The following DBX2 variants were observed in gnomAD, a reference collection of about 807,000 sequenced individuals.
The protein encoded by DBX2 is homeobox protein DBX2.
A neutral mutation model predicts 17.7 loss-of-function variants in DBX2; 16 were observed. The observed-to-expected ratio is 0.90, with a 90% confidence interval of 0.61 to 1.37. DBX2 has a LOEUF of 1.37. Ranked by LOEUF, DBX2 falls within the 40% of genes most tolerant of loss-of-function variation. The pLI is 0.00. For synonymous variants in DBX2, 255 were observed against 183.8 expected (o/e 1.39, Z -3.13); for missense variants, 538 against 433.8 (o/e 1.24, Z -2.13).
chr12:45,022,326 T>TG (rs1565580641), intron 3 of DBX2, among the ~76,000 whole-genome samples: 2 of 101,834 alleles, frequency 2.0e-5, no homozygotes, highest in South Asian at 4.0e-4. Context: ...TTTTTTGAGA[T>TG]GGAGTCTTGC....
chr12:45,041,063 C>A (rs1415824247), intron 1 of DBX2, among the ~76,000 whole-genome samples: 1 of 145,366 alleles, frequency 6.9e-6, no homozygotes, highest in Non-Finnish European at 1.5e-5. Context: ...AAAAAAAAAA[C>A]CTCTAGGAAA....
intron 3 of DBX2, among the ~76,000 whole-genome samples, chr12:45,020,246 T>C (rs1263459399): frequency 6.6e-6 from 1 of 152,178 alleles, no homozygotes; most frequent in Non-Finnish European, 1.5e-5. Context: ...CCTGTCTGTA[T>C]AGATTTCCCC....
intron 3 of DBX2, among the ~76,000 whole-genome samples, chr12:45,018,485 G>A (rs1478650049): frequency 6.6e-6 from 1 of 152,048 alleles, no homozygotes; most frequent in Non-Finnish European, 1.5e-5. Flanking sequence ...AAACGAAACT[G>A]CAAAAGTTTT....
chr12:45,043,544 CCA>C (rs1319817556), intron 1 of DBX2, among the ~76,000 whole-genome samples: 1 of 152,114 alleles, frequency 6.6e-6, no homozygotes, highest in Non-Finnish European at 1.5e-5. Flanking sequence ...ATAAACAGCT[CCA>C]GTTGAGCAAC....
chr12:45,046,821 G>GA (rs201947295), intron 1 of DBX2, among the ~76,000 whole-genome samples: 26 of 150,874 alleles, frequency 1.7e-4, no homozygotes, highest in Non-Finnish European at 3.1e-4. Flanking sequence ...CCGGATGCCA[G>GA]AAAAAAAAAT....
intron 1 of DBX2, 149 bp downstream of exon 1, chr12:45,050,376 G>A: frequency 1.8e-6 from 2 of 1,094,834 alleles, no homozygotes; most frequent in Non-Finnish European, 2.5e-6. Context: ...CTCCCGAAGT[G>A]GCATCTCCAC....
chr12:45,042,804 C>T (rs1251038298), intron 1 of DBX2, among the ~76,000 whole-genome samples: 1 of 152,148 alleles, frequency 6.6e-6, no homozygotes, highest in Non-Finnish European at 1.5e-5. Flanking sequence ...TTTGTGTGAA[C>T]ACTTCCAGCA....
chr12:45,050,575 G>A lies in DBX2; in HGVS notation c.353C>T (p.Pro118Leu), dbSNP rs1946525546. The A allele has an allele frequency of 6.4e-7, 1 of 1,552,316 alleles. No individual in the cohort carries two copies. Among genetic ancestry groups the A allele is most frequent in the South Asian group, 1.2e-5 (1 of 84,168 alleles). ...GTCTCGGTCCCCCGGAGCCCGGCCC[G>A]GCAGCCTCGCACTGTCCGCAGAGGG... Reference protein sequence around the residue: ...LSPSADSARLPGRAPGDRDCT... With the variant: ...LSPSADSARLLGRAPGDRDCT... The change falls in exon 1 of 4, where the codon CCG becomes CTG. Residue 118 changes from proline (P) to leucine (L), a missense_variant. Pro to Leu is a moderately conservative substitution (Grantham distance 98). Transcript: ENST00000332700.
At chr12:45,029,296 C>T (rs761296785) in intron 2 of DBX2, among the ~76,000 whole-genome samples, 39 of 152,288 alleles carry the variant, frequency 2.6e-4, no homozygotes, top group Admixed American at 9.2e-4. Context: ...GCAGCTTCCA[C>T]ATATATTGGG....
chr12:45,042,001 C>A (rs1006322458), intron 1 of DBX2, among the ~76,000 whole-genome samples: 10 of 152,106 alleles, frequency 6.6e-5, no homozygotes, highest in Non-Finnish European at 1.2e-4. Context: ...GGTTCTCAAC[C>A]CTGAATACAC....
intron 3 of DBX2, among the ~76,000 whole-genome samples, chr12:45,017,801 A>G (rs1035945082): frequency 1.3e-5 from 2 of 152,154 alleles, no homozygotes; most frequent in Non-Finnish European, 2.9e-5. Context: ...AAAGCCAATC[A>G]TGTTTTTTCC....
At chr12:45,037,697 T>C (rs560071997) in intron 1 of DBX2, among the ~76,000 whole-genome samples, 24 of 152,184 alleles carry the variant, frequency 1.6e-4, no homozygotes, top group Non-Finnish European at 3.1e-4. Context: ...GCTGTTTATA[T>C]TTATTTTCAC....
chr12:45,018,401 G>A (rs975574219), intron 3 of DBX2, among the ~76,000 whole-genome samples: 1 of 151,962 alleles, frequency 6.6e-6, no homozygotes, highest in South Asian at 2.1e-4. Context: ...TGCATATTTG[G>A]GGAGTAACAT....
chr12:45,049,335 C>T (rs1946516540), intron 1 of DBX2, among the ~76,000 whole-genome samples: 1 of 152,152 alleles, frequency 6.6e-6, no homozygotes, highest in South Asian at 2.1e-4. Flanking sequence ...TCAAAAAGAA[C>T]AGAGAGGCCC....
Position 45,016,289 on chromosome 12 carries a change from G to A in DBX2, c.1017C>T (p.Val339=). The change falls in exon 4 of 4, where the codon GTC becomes GTT. Residue 339 remains valine (V), a synonymous_variant. Transcript: ENST00000332700. The part of the protein sequence containing the change: ...AGSKGVLTGA[V] Reference sequence around the variant, plus strand: ...GAACACGGAGGAATGCTTCCATTCAGACAGCCCCAGTAAGTACACCCTTGC... The same window carrying A: ...GAACACGGAGGAATGCTTCCATTCAAACAGCCCCAGTAAGTACACCCTTGC... 2.6e-6 allele frequency: 4 copies of A among 1,553,338 alleles called. No individual in the cohort carries two copies. The highest frequency in any genetic ancestry group is 3.5e-6 in the Non-Finnish European group (4 of 1,153,870).
At chr12:45,043,060 G>A (rs559873431) in intron 1 of DBX2, among the ~76,000 whole-genome samples, 1 of 152,264 alleles carries the variant, frequency 6.6e-6, no homozygotes, top group South Asian at 2.1e-4. Flanking sequence ...AAGGTTCCCT[G>A]AGCTCCCGGC....
Position 45,016,238 on chromosome 12 carries a change from T to A in DBX2, c.*48A>T. 6.6e-7 allele frequency: 1 copy of A among 1,512,562 alleles called. No homozygotes were observed. The highest frequency in any genetic ancestry group is 8.8e-7 in the Non-Finnish European group (1 of 1,131,428). 93.7% of individuals were successfully genotyped at this position (1,512,562 alleles called of 1,614,324 possible). A position where few individuals can be genotyped will look rare whatever the true frequency, so the allele number is the denominator to read the frequency against. ...AAGCTAGCTGGCATTAGAGTCCAGA[T>A]GTTACTATTAAGCGTTCTTTTAAAT... is the stretch of plus-strand genomic sequence containing the variant. On this transcript the variant is annotated 3_prime_UTR_variant, in exon 4 of 4. Coordinates refer to ENST00000332700, the MANE Select transcript of DBX2 (RefSeq NM_001004329.3).
chr12:45,030,031 C>T (rs1251429420), intron 2 of DBX2, among the ~76,000 whole-genome samples: 2 of 151,992 alleles, frequency 1.3e-5, no homozygotes, highest in Non-Finnish European at 2.9e-5. Context: ...CCCAGCAGCC[C>T]TGTATGAAGG....
chr12:45,027,386 A>G (rs1946386955), intron 2 of DBX2, among the ~76,000 whole-genome samples: 1 of 152,214 alleles, frequency 6.6e-6, no homozygotes, highest in Admixed American at 6.5e-5. Flanking sequence ...GACCTTCTGA[A>G]TTCAAATTAG....
Sources: gnomAD v4.1 joint callset for allele counts (sites outside exome capture counted in the v4.1 genomes callset) on GRCh38, gnomAD v4.1.1 for gene constraint, MANE v1.5 for transcripts, NCBI Gene and HGNC (gene_info 2026-07-23, HGNC 2026-07-21) for gene names.